DYM: variants seen among roughly 807,000 people sequenced by gnomAD.
The protein encoded by DYM is dyggve-Melchior-Clausen syndrome protein.
A neutral mutation model predicts 93.1 loss-of-function variants in DYM; 78 were observed. The ratio of observed to expected loss-of-function variants is 0.84; its 90% confidence interval spans 0.70 to 1.01. The LOEUF (loss-of-function observed/expected upper bound fraction) is 1.01, where lower values mean the gene tolerates loss of function less well. Among genes scored for constraint, DYM ranks in the 50% least tolerant of loss-of-function variants. The pLI is 0.00. For missense variants in DYM, 789 were observed against 845.0 expected (o/e 0.93, Z 0.82); for synonymous variants, 321 against 319.7 (o/e 1.00, Z -0.04).
At chr18:49,080,688 G>A (rs1251665025) in intron 17 of DYM, among the ~76,000 whole-genome samples, 1 of 146,316 alleles carries the variant, frequency 6.8e-6, no homozygotes, top group African/African-American at 2.5e-5. Flanking sequence ...GGGCAGAGAC[G>A]CTCCTCACTT....
At chr18:49,284,199 C>T (rs1201019997) in intron 9 of DYM, among the ~76,000 whole-genome samples, 4 of 152,140 alleles carry the variant, frequency 2.6e-5, no homozygotes, top group Non-Finnish European at 4.4e-5. Context: ...AACATATATA[C>T]ATTACTAGCT....
chr18:49,306,132 A>G (rs2061261029), intron 8 of DYM, among the ~76,000 whole-genome samples: 1 of 152,226 alleles, frequency 6.6e-6, no homozygotes, highest in African/African-American at 2.4e-5. Context: ...TGGAAGAGAA[A>G]TGGAAATTCT....
intron 2 of DYM, among the ~76,000 whole-genome samples, chr18:49,396,533 G>A (rs1024596957): frequency 6.6e-6 from 1 of 152,134 alleles, no homozygotes; most frequent in African/African-American, 2.4e-5. Context: ...TTGGATTTTA[G>A]AGCATTCTGG....
intron 17 of DYM, among the ~76,000 whole-genome samples, chr18:49,061,611 T>C (rs987174173): frequency 7.9e-5 from 12 of 152,230 alleles, no homozygotes; most frequent in African/African-American, 2.9e-4. Flanking sequence ...GAAGCAGCCC[T>C]TGGAGGGGAG....
chr18:49,303,698 G>A (rs1438928730), intron 8 of DYM, among the ~76,000 whole-genome samples: 1 of 152,144 alleles, frequency 6.6e-6, no homozygotes, highest in East Asian at 1.9e-4. Flanking sequence ...AATTCTGAAG[G>A]ACCACAGACA....
intron 15 of DYM, among the ~76,000 whole-genome samples, chr18:49,143,074 A>G (rs895506815): frequency 2.0e-5 from 3 of 152,226 alleles, no homozygotes; most frequent in Non-Finnish European, 4.4e-5. Context: ...CATACCTATC[A>G]TTTACTGAAA....
intron 17 of DYM, among the ~76,000 whole-genome samples, chr18:49,088,121 T>G (rs2078719087): frequency 6.6e-6 from 1 of 152,160 alleles, no homozygotes; most frequent in Non-Finnish European, 1.5e-5. Context: ...TTAGTTTAAT[T>G]AGATCCCATT....
chr18:49,321,343 T>C (rs2062467872), intron 8 of DYM: 1 of 398,210 alleles, frequency 2.5e-6, no homozygotes, highest in Non-Finnish European at 4.4e-6. Flanking sequence ...CAACTATTTG[T>C]AGCATGAAAG....
At chr18:49,337,734 C>A (rs1034327159) in intron 6 of DYM, among the ~76,000 whole-genome samples, 1 of 152,012 alleles carries the variant, frequency 6.6e-6, no homozygotes, top group Non-Finnish European at 1.5e-5. Flanking sequence ...CCGGCAAATC[C>A]CATGAAAGAA....
At chr18:49,246,266 A>G (rs1486016885) in intron 13 of DYM, among the ~76,000 whole-genome samples, 1 of 152,182 alleles carries the variant, frequency 6.6e-6, no homozygotes, top group African/African-American at 2.4e-5. Context: ...GTATGTATTT[A>G]CATTGGACAC....
chr18:49,455,897 C>T lies in DYM; in HGVS notation c.-54+4501G>A, dbSNP rs563894125. Among the ~76,000 whole-genome samples, 20 of 151,318 alleles carry T rather than the reference C, an allele frequency of 1.3e-4. 1 individual carries two copies. The South Asian group carries it at 3.2e-3, about 24-fold the overall frequency. On this transcript the variant is annotated intron_variant, in intron 1 of 17. Transcript: ENST00000675505. ...CTGGGAGGCAGAGGTTGCAGTGAGC[C>T]GAGATCCCACCACTGCACTCCAGCC... is the stretch of plus-strand genomic sequence containing the variant.
At chr18:49,176,574 C>CTTTTTTT in intron 14 of DYM, among the ~76,000 whole-genome samples, 1 of 99,438 alleles carries the variant, frequency 1.0e-5, no homozygotes, top group Non-Finnish European at 2.0e-5. Context: ...CCAAGCCTGG[C>CTTTTTTT]TTTTTTTTTT....
rs1300804899 is a variant in DYM at position 49,358,126 on chromosome 18, G to A, written c.494+5035C>T. Among the ~76,000 whole-genome samples the A allele has an allele frequency of 3.3e-5, 5 of 152,110 alleles. No homozygotes were observed. In the East Asian group the frequency reaches 7.7e-4, roughly 23 times the overall value. ...GATTGTGCCACTGCCCTCCAGGCTG[G>A]GTGACAGAGTGGGAATCCCATCTCA... On this transcript the variant is annotated intron_variant, in intron 6 of 17. Coordinates refer to ENST00000675505, the MANE Select transcript of DYM (RefSeq NM_001353214.3).
intron 13 of DYM, among the ~76,000 whole-genome samples, chr18:49,232,789 AGTAGAGAC>A (rs2093742889): frequency 6.6e-6 from 1 of 151,436 alleles, no homozygotes; most frequent in Non-Finnish European, 1.5e-5. Context: ...TGGCATTTTT[AGTAGAGAC>A]CGGGTTTCAC....
intron 2 of DYM, among the ~76,000 whole-genome samples, chr18:49,425,212 C>T (rs2074152107): frequency 6.6e-6 from 1 of 152,108 alleles, no homozygotes; most frequent in African/African-American, 2.4e-5. Context: ...ATCAATGGAA[C>T]AGAACAGAGC....
At chr18:49,183,993 TAGACCCCACC>T (rs1347043419) in intron 14 of DYM, among the ~76,000 whole-genome samples, 4 of 152,156 alleles carry the variant, frequency 2.6e-5, no homozygotes, top group African/African-American at 9.7e-5. Context: ...CAGACCCCAC[TAGACCCCACC>T]CTACTGGCAC....
intron 11 of DYM, among the ~76,000 whole-genome samples, chr18:49,270,652 G>A (rs1017420165): frequency 6.6e-6 from 1 of 152,094 alleles, no homozygotes; most frequent in Non-Finnish European, 1.5e-5. Context: ...ATTTCTCTAT[G>A]TACATGTATT....
chr18:49,197,559 T>A (rs897207570), intron 14 of DYM, among the ~76,000 whole-genome samples: 1 of 151,560 alleles, frequency 6.6e-6, no homozygotes, highest in Admixed American at 6.6e-5. Flanking sequence ...ACCAGAAACA[T>A]ACTAAGTTAG....
In DYM at chr18:49,134,877, G is replaced by A. The variant is rs565326906; in HGVS notation, c.1729-15951C>T. On this transcript the variant is annotated intron_variant, in intron 15 of 17. Transcript: ENST00000675505. ...AATTCCAGGACTTTGGGAGGCTGAGGCGGTGGATCACCTAAGGTCAGGAGT... is the reference window on the plus strand; with the variant it reads ...AATTCCAGGACTTTGGGAGGCTGAGACGGTGGATCACCTAAGGTCAGGAGT... Among the ~76,000 whole-genome samples, 79 of 152,310 alleles carry A rather than the reference G, an allele frequency of 5.2e-4. No individual in the cohort carries two copies. The South Asian group carries it at 0.014, about 28-fold the overall frequency.
Sources: gnomAD v4.1 joint callset for allele counts (sites outside exome capture counted in the v4.1 genomes callset) on GRCh38, gnomAD v4.1.1 for gene constraint, MANE v1.5 for transcripts, NCBI Gene and HGNC (gene_info 2026-07-23, HGNC 2026-07-21) for gene names.